MARCHF5: variants seen among roughly 807,000 people sequenced by gnomAD.
MARCHF5 encodes membrane associated ring-CH-type finger 5.
MARCHF5 carries 5 observed loss-of-function variants against 36.5 expected under a neutral mutation model. The ratio of observed to expected loss-of-function variants is 0.14; its 90% CI spans 0.07 to 0.29. MARCHF5 has a LOEUF of 0.29. Among genes scored for constraint, MARCHF5 ranks in the 10% least tolerant of loss-of-function variants. The pLI is 1.00. For synonymous variants in MARCHF5, 103 were observed against 109.9 expected (o/e 0.94, Z 0.39); for missense variants, 179 against 336.3 (o/e 0.53, Z 3.66).
rs77633401 is a variant in MARCHF5, at chr10:92,330,461, T to A, written c.239-10212T>A. Among the ~76,000 whole-genome samples, 298 of 152,280 alleles carry A rather than the reference T, an allele frequency of 2.0e-3. 1 individual carries two copies. Among genetic ancestry groups the A allele is most frequent in the African/African-American group, 7.0e-3 (290 of 41,560 alleles). ...TGATGTCTTCATTTTCCCTTTACAT[T>A]GCCAGATTTCTTGGCTCCTTTGACT... On this transcript the variant is annotated intron_variant, in intron 2 of 5. Transcript: ENST00000358935.
intron 3 of MARCHF5, among the ~76,000 whole-genome samples, chr10:92,346,698 G>A (rs1440162954): frequency 2.0e-5 from 3 of 151,640 alleles, no homozygotes; most frequent in African/African-American, 7.3e-5. Flanking sequence ...GGTCAGGCTG[G>A]TCTCAAACTC....
chr10:92,302,216 G>A (rs1337529162), intron 1 of MARCHF5, among the ~76,000 whole-genome samples: 1 of 152,098 alleles, frequency 6.6e-6, no homozygotes, highest in Non-Finnish European at 1.5e-5. Context: ...AACAGATGCA[G>A]AACCCTCAGT....
At chr10:92,296,708 C>T (rs1458146925) in intron 1 of MARCHF5, among the ~76,000 whole-genome samples, 1 of 152,104 alleles carries the variant, frequency 6.6e-6, no homozygotes, top group Admixed American at 6.6e-5. Flanking sequence ...GGAGTGTAGC[C>T]AGAATGTCCC....
intron 3 of MARCHF5, among the ~76,000 whole-genome samples, chr10:92,347,495 TA>T (rs760639150): frequency 4.7e-4 from 39 of 83,262 alleles, no homozygotes; most frequent in Admixed American, 2.1e-3. Flanking sequence ...GATAGATAGA[TA>T]GATAGATAGA....
chr10:92,349,653 T>A lies in MARCHF5; in HGVS notation c.554-18T>A, dbSNP rs1222875152. 6.2e-7 allele frequency: 1 copy of A among 1,611,446 alleles called. No homozygotes were observed. On this transcript the variant is annotated intron_variant, in intron 4 of 5. Coordinates refer to ENST00000358935, the MANE Select transcript of MARCHF5 (RefSeq NM_017824.5). ...TTCTGATTTATTAGCACTAACGCAC[T>A]GCATTTTTTTCCTCTAGGGATAGGT... is the stretch of plus-strand genomic sequence containing the variant.
At chr10:92,329,160 A>G (rs767132158) in intron 2 of MARCHF5, among the ~76,000 whole-genome samples, 5 of 152,200 alleles carry the variant, frequency 3.3e-5, no homozygotes, top group Non-Finnish European at 7.3e-5. Context: ...TAAATTGAAC[A>G]TAGAATTTTG....
At chr10:92,299,612 G>A (rs1842989163) in intron 1 of MARCHF5, among the ~76,000 whole-genome samples, 1 of 152,092 alleles carries the variant, frequency 6.6e-6, no homozygotes, top group African/African-American at 2.4e-5. Context: ...TTATTATAGT[G>A]TATCACATTG....
chr10:92,335,746 G>GT lies in MARCHF5; in HGVS notation c.239-4925dup, dbSNP rs543688602. On this transcript the variant is annotated intron_variant, in intron 2 of 5. Transcript: ENST00000358935. ...ATGATTCAGGAAGAAAATTGAGCTT[G>GT]TTAGAAGCTTCTGAGATCTTCCAAG... is the stretch of plus-strand genomic sequence containing the variant. Among the ~76,000 whole-genome samples, 318 of 152,280 alleles carry GT rather than the reference G, an allele frequency of 2.1e-3. 1 individual carries two copies. Among genetic ancestry groups the GT allele is most frequent in the African/African-American group, 7.4e-3 (306 of 41,562 alleles).
chr10:92,329,546 C>T (rs1412851757), intron 2 of MARCHF5, among the ~76,000 whole-genome samples: 1 of 152,140 alleles, frequency 6.6e-6, no homozygotes, highest in Non-Finnish European at 1.5e-5. Flanking sequence ...GCCACATGGC[C>T]TTCTGTCACT....
chr10:92,326,477 A>G (rs1590659453), intron 2 of MARCHF5, among the ~76,000 whole-genome samples: 1 of 152,176 alleles, frequency 6.6e-6, no homozygotes, highest in Admixed American at 6.5e-5. Context: ...TGAGTCAGCT[A>G]ATAGGCCACA....
chr10:92,294,248 C>G (rs1045370600), intron 1 of MARCHF5, among the ~76,000 whole-genome samples: 17 of 152,154 alleles, frequency 1.1e-4, no homozygotes, highest in African/African-American at 4.1e-4. Context: ...TTGCCACTTA[C>G]TAGCTATGTG....
intron 2 of MARCHF5, among the ~76,000 whole-genome samples, chr10:92,323,546 A>C (rs912948040): frequency 6.6e-6 from 1 of 152,190 alleles, no homozygotes; most frequent in Non-Finnish European, 1.5e-5. Context: ...TCACTGACCT[A>C]AAAATCCTCT....
chr10:92,293,926 A>C (rs1842921001), intron 1 of MARCHF5, among the ~76,000 whole-genome samples: 1 of 152,148 alleles, frequency 6.6e-6, no homozygotes, highest in African/African-American at 2.4e-5. Context: ...GACATACCTT[A>C]AGGTAGATTT....
chr10:92,294,751 A>C (rs1842928666), intron 1 of MARCHF5, among the ~76,000 whole-genome samples: 1 of 152,144 alleles, frequency 6.6e-6, no homozygotes, highest in South Asian at 2.1e-4. Flanking sequence ...TACGTATTTT[A>C]TTTAGGCCAG....
At chr10:92,319,394 C>T (rs562073816) in intron 2 of MARCHF5, among the ~76,000 whole-genome samples, 1 of 144,626 alleles carries the variant, frequency 6.9e-6, no homozygotes, top group African/African-American at 2.6e-5. Context: ...CTCCCGGGTT[C>T]ACGCCATTCT....
intron 1 of MARCHF5, among the ~76,000 whole-genome samples, chr10:92,302,938 C>A (rs1183398203): frequency 6.6e-6 from 1 of 152,188 alleles, no homozygotes; most frequent in African/African-American, 2.4e-5. Flanking sequence ...TCTATATTCT[C>A]ACTCTTCTAT....
chr10:92,319,109 C>A (rs1456043276), intron 2 of MARCHF5, among the ~76,000 whole-genome samples: 1 of 152,170 alleles, frequency 6.6e-6, no homozygotes, highest in African/African-American at 2.4e-5. Flanking sequence ...TCGAAAAATT[C>A]CCATCACCTT....
intron 1 of MARCHF5, among the ~76,000 whole-genome samples, chr10:92,294,264 G>A (rs1842924938): frequency 6.6e-6 from 1 of 152,268 alleles, no homozygotes; most frequent in South Asian, 2.1e-4. Context: ...ATGTGACTTT[G>A]AACTTAGATT....
chr10:92,332,774 C>T (rs190265940), intron 2 of MARCHF5, among the ~76,000 whole-genome samples: 2 of 151,970 alleles, frequency 1.3e-5, no homozygotes, highest in African/African-American at 4.8e-5. Context: ...CTGCCTCAGC[C>T]TCCCAAAGTT....
Sources: gnomAD v4.1 joint callset for allele counts (sites outside exome capture counted in the v4.1 genomes callset) on GRCh38, gnomAD v4.1.1 for gene constraint, MANE v1.5 for transcripts, NCBI Gene and HGNC (gene_info 2026-07-23, HGNC 2026-07-21) for gene names.